MYCBP2: variants seen among roughly 807,000 people sequenced by gnomAD.
MYCBP2 encodes the protein E3 ubiquitin-protein ligase MYCBP2.
MYCBP2 carries 120 observed loss-of-function variants against 525.3 expected under a neutral mutation model. The observed-to-expected ratio is 0.23, with a 90% CI of 0.20 to 0.27. The LOEUF is 0.27. MYCBP2 is among the 10% of genes least tolerant of loss of function. The pLI is 1.00. For synonymous variants in MYCBP2, 1,894 were observed against 1,955.8 expected (o/e 0.97, Z 0.83); for missense variants, 4,149 against 5,657.1 (o/e 0.73, Z 8.55).
chr13:77,279,001 G>T, intron 3 of MYCBP2, 90 bp from the exon 4 acceptor site: 1 of 844,624 alleles, frequency 1.2e-6, no homozygotes, highest in Non-Finnish European at 1.7e-6. Context: ...TACTTCCACA[G>T]CAAATGATAA....
chr13:77,177,847 G>A lies in MYCBP2; in HGVS notation c.5241C>T (p.Ile1747=), dbSNP rs754262030. The A allele has an allele frequency of 7.4e-6, 12 of 1,613,892 alleles. 1 individual carries two copies. In the South Asian group the frequency reaches 1.1e-4, roughly 15 times the overall value. The part of the protein sequence containing the change: ...WNTGNGSPDA[I]CFSVDKPGIV... ...TTCCAGGTTTGTCTACTGAAAAACA[G>A]ATTGCATCAGGGGACCCGTTCCCAG... is the stretch of plus-strand genomic sequence containing the variant. Residue 1747 remains isoleucine, a synonymous_variant, in exon 35 of 83, where the codon ATC becomes ATT. Transcript: ENST00000544440.
intron 13 of MYCBP2, among the ~76,000 whole-genome samples, chr13:77,260,197 G>A (rs188940308): frequency 9.0e-4 from 137 of 152,310 alleles, no homozygotes; most frequent in African/African-American, 3.1e-3. Context: ...CAGCTACAGC[G>A]AAGCTTCCCT....
chr13:77,208,479 T>G (rs1433712456), intron 23 of MYCBP2, among the ~76,000 whole-genome samples: 3 of 152,268 alleles, frequency 2.0e-5, no homozygotes, highest in Admixed American at 2.0e-4. Flanking sequence ...AAATGTTCAC[T>G]GATGGGCAAA....
chr13:77,316,691 A>G (rs2080980768), intron 1 of MYCBP2, among the ~76,000 whole-genome samples: 1 of 144,718 alleles, frequency 6.9e-6, no homozygotes, highest in Admixed American at 6.9e-5. Context: ...ATTGATATCA[A>G]CAACTCTTCT....
At chr13:77,220,040 G>A (rs1410937102) in intron 20 of MYCBP2, among the ~76,000 whole-genome samples, 1 of 152,140 alleles carries the variant, frequency 6.6e-6, no homozygotes, top group Non-Finnish European at 1.5e-5. Flanking sequence ...TGGAAATTAA[G>A]TATCAATCTG....
intron 17 of MYCBP2, among the ~76,000 whole-genome samples, chr13:77,240,843 C>G (rs2068709406): frequency 6.6e-6 from 1 of 152,082 alleles, no homozygotes; most frequent in African/African-American, 2.4e-5. Flanking sequence ...CTGAAGATTC[C>G]ACTCAAGAAA....
rs963322383 is a variant in MYCBP2, at chr13:77,326,082, T to C, written c.302+392A>G. ...GAAAACGCCACTTCCCTTGCCACTG[T>C]TGCAATTCTCTTCGTGTATCATCCT... is the stretch of plus-strand genomic sequence containing the variant. On this transcript the variant is annotated intron_variant, in intron 1 of 82. Transcript: ENST00000544440. This position sits in a 1 kb window ranked among gnomAD's most constrained non-coding sequence, Gnocchi z 4.2. Among the ~76,000 whole-genome samples, 3 of 151,976 alleles carry C rather than the reference T, an allele frequency of 2.0e-5. No homozygotes were observed. The highest frequency in any genetic ancestry group is 4.4e-5 in the Non-Finnish European group (3 of 67,996).
chr13:77,068,743 G>C lies in MYCBP2; in HGVS notation c.11993C>G (p.Ala3998Gly). Residue 3998 changes from alanine (A) to glycine (G), a missense_variant, in exon 70 of 83, where the codon GCC (alanine) becomes GGC (glycine). By Grantham distance (60) the Ala-to-Gly change is moderately conservative (BLOSUM62 0). Around this residue, in one of 21 missense-constraint regions of MYCBP2, gnomAD observed 64 missense variants for 131.2 expected, o/e 0.49. Transcript: ENST00000544440. ...ATCTTCATCATTTGGCTGAGAATTG[G>C]CATTTTCTTTGCTTGATATAGCATG... ...WEHAISSKEN[A>G]NSQPNDEDAS... The C allele has an allele frequency of 1.2e-6, 2 of 1,614,152 alleles. No homozygotes were observed. Among genetic ancestry groups the C allele is most frequent in the South Asian group, 1.1e-5 (1 of 91,082 alleles).
chr13:77,140,917 C>A lies in MYCBP2; in HGVS notation c.7330G>T (p.Asp2444Tyr). The A allele has an allele frequency of 6.2e-7, 1 of 1,610,072 alleles. No individual in the cohort carries two copies. The highest frequency in any genetic ancestry group is 8.5e-7 in the Non-Finnish European group (1 of 1,179,024). Residue 2444 changes from aspartate (D) to tyrosine (Y), a missense_variant, in exon 50 of 83, where the codon GAC (aspartate) becomes TAC (tyrosine). By Grantham distance (160) the Asp-to-Tyr change is radical (BLOSUM62 -3). Coordinates refer to ENST00000544440, the MANE Select transcript of MYCBP2 (RefSeq NM_015057.5). ...IDAGLEVKVK[D>Y]PPKGMIPPGT... ...GGTGGTATCATCCCTTTTGGTGGGT[C>A]TTTTACTTTTACTTCCAGACCAGCA...
intron 33 of MYCBP2, among the ~76,000 whole-genome samples, chr13:77,180,642 C>T (rs942384847): frequency 1.3e-5 from 2 of 152,110 alleles, no homozygotes; most frequent in African/African-American, 2.4e-5. Flanking sequence ...GCTTTTTTGG[C>T]TGGGCGTGGT....
In MYCBP2 at chr13:77,164,538, C is replaced by T; in HGVS notation, c.6463G>A (p.Val2155Ile). Residue 2155 changes from valine (V) to isoleucine (I), a missense_variant, in exon 43 of 83, where the codon GTC becomes ATC. Transcript: ENST00000544440. Reference sequence around the variant, plus strand: ...GCTAATTCTTTTTCCAATTGGATGACTCCCTATGGAATTGCATAAAATTTG... The same window carrying T: ...GCTAATTCTTTTTCCAATTGGATGATTCCCTATGGAATTGCATAAAATTTG... ...YEFSPGPDEG[V>I]IQLEKELANL... 6.3e-7 allele frequency: 1 copy of T among 1,599,902 alleles called. No individual in the cohort carries two copies. Among genetic ancestry groups the T allele is most frequent in the South Asian group, 1.1e-5 (1 of 90,558 alleles).
intron 1 of MYCBP2, among the ~76,000 whole-genome samples, chr13:77,303,333 A>AAAAC (rs150751268): frequency 2.0e-5 from 3 of 152,258 alleles, no homozygotes; most frequent in Non-Finnish European, 2.9e-5. Context: ...ACTCCGTCTC[A>AAAAC]AAACAAACAA....
chr13:77,316,733 G>A (rs2080991587), intron 1 of MYCBP2, among the ~76,000 whole-genome samples: 2 of 152,038 alleles, frequency 1.3e-5, no homozygotes, highest in South Asian at 4.1e-4. Context: ...TTTAATCTAT[G>A]GCTAGTATTT....
intron 32 of MYCBP2, 61 bp downstream of exon 32, chr13:77,185,042 T>G: frequency 4.2e-6 from 6 of 1,439,776 alleles, no homozygotes; most frequent in Admixed American, 2.1e-5. Context: ...CAATTTATTT[T>G]CTTGAAGAGT....
intron 16 of MYCBP2, 21 bp downstream of exon 16, chr13:77,243,785 A>G: frequency 6.2e-7 from 1 of 1,610,572 alleles, no homozygotes. Context: ...AGTGTAGCAT[A>G]GTATAATCAA....
chr13:77,282,186 A>G (rs2154353722), intron 3 of MYCBP2, among the ~76,000 whole-genome samples: 1 of 152,212 alleles, frequency 6.6e-6, no homozygotes, highest in South Asian at 2.1e-4. Flanking sequence ...CAAGGTTGGG[A>G]GATCACCTGA....
chr13:77,109,955 T>C (rs1228734772), intron 55 of MYCBP2: 3 of 152,190 alleles, frequency 2.0e-5, no homozygotes, highest in Non-Finnish European at 2.9e-5. Flanking sequence ...CCTGTTATCT[T>C]TGTAAGCTGA....
chr13:77,162,084 G>T (rs1013452753), intron 43 of MYCBP2, 129 bp from the exon 44 acceptor site: 103 of 662,204 alleles, frequency 1.6e-4, no homozygotes, highest in Admixed American at 2.2e-4. Flanking sequence ...AAAGATTTGT[G>T]ATTCTGGAAA....
chr13:77,123,818 C>A (rs891858089), intron 54 of MYCBP2, among the ~76,000 whole-genome samples: 2 of 152,076 alleles, frequency 1.3e-5, no homozygotes, highest in African/African-American at 4.8e-5. Flanking sequence ...TAAAGCTGAT[C>A]TCCCCTTAGG....
Sources: allele counts gnomAD v4.1 joint callset (sites outside exome capture counted in the v4.1 genomes callset), GRCh38; gene constraint gnomAD v4.1.1; regional missense constraint gnomAD v4.1.1; non-coding constraint Gnocchi (gnomAD v3.1); transcripts MANE v1.5; gene names NCBI Gene and HGNC (gene_info 2026-07-23, HGNC 2026-07-21).